Variants in SARDH observed in about 807,000 individuals in gnomAD.
SARDH encodes sarcosine dehydrogenase, mitochondrial.
In SARDH, 95 loss-of-function variants were observed where a neutral mutation model predicts 109.1. That is an observed-to-expected ratio of 0.87 (90% CI 0.74 to 1.03). The LOEUF (loss-of-function observed/expected upper bound fraction) is 1.03. SARDH is among the 50% of genes least tolerant of loss of function. The pLI is 0.00. For missense variants in SARDH, 1,267 were observed against 1,287.8 expected, an observed-to-expected ratio of 0.98 and a Z score of 0.25; for synonymous variants, 572 against 534.8, an observed-to-expected ratio of 1.07 and a Z score of -0.96.
chr9:133,707,137 A>C (rs912019009), intron 11 of SARDH, among the ~76,000 whole-genome samples: 2 of 152,216 alleles, frequency 1.3e-5, no homozygotes, highest in African/African-American at 4.8e-5. Context: ...TGTCGCAAGA[A>C]GGCTGCTAAC....
intron 18 of SARDH, among the ~76,000 whole-genome samples, chr9:133,671,194 C>T (rs556774916): frequency 3.9e-5 from 6 of 152,266 alleles, no homozygotes; most frequent in African/African-American, 1.2e-4. Flanking sequence ...CCATTCTTCA[C>T]AGCTCTCAGA....
At chr9:133,659,867 G>A (rs1164237357), downstream of SARDH, among the ~76,000 whole-genome samples, 2 of 152,110 alleles carry the variant, frequency 1.3e-5, no homozygotes, top group African/African-American at 4.8e-5. Context: ...GCCTCTTCCC[G>A]CGATCACACC....
chr9:133,719,202 G>T (rs1215838262), intron 6 of SARDH, among the ~76,000 whole-genome samples, 160 bp from the exon 7 acceptor site: 1 of 152,130 alleles, frequency 6.6e-6, no homozygotes, highest in Non-Finnish European at 1.5e-5. Context: ...GGGGCCTCAA[G>T]TTACACACAG....
chr9:133,660,200 T>C (rs1157681705), downstream of SARDH, among the ~76,000 whole-genome samples: 2 of 152,080 alleles, frequency 1.3e-5, no homozygotes, highest in African/African-American at 4.8e-5. Flanking sequence ...CCGTGGTTGC[T>C]GAGAGTTGCC....
intron 15 of SARDH, 124 bp downstream of exon 15, chr9:133,694,134 G>A (rs1831198375): frequency 2.9e-6 from 2 of 694,094 alleles, no homozygotes; most frequent in Non-Finnish European, 4.7e-6. Flanking sequence ...GACCACAGCG[G>A]GCACAACAGC....
At chr9:133,727,708 C>A (rs1488722779) in intron 6 of SARDH, among the ~76,000 whole-genome samples, 1 of 137,166 alleles carries the variant, frequency 7.3e-6, no homozygotes, top group African/African-American at 2.5e-5. Context: ...GGCTGATGGC[C>A]CTTTTCCTGT....
At chr9:133,688,560 C>A (rs1266308346) in intron 16 of SARDH, among the ~76,000 whole-genome samples, 2 of 152,068 alleles carry the variant, frequency 1.3e-5, no homozygotes, top group African/African-American at 4.8e-5. Context: ...AAAGCCCAAG[C>A]CCGACCATGT....
chr9:133,702,823 G>A, intron 13 of SARDH, 93 bp downstream of exon 13: 6 of 1,087,916 alleles, frequency 5.5e-6, no homozygotes, highest in Admixed American at 3.9e-5. Flanking sequence ...TGGGGGAGGG[G>A]AGCCCCTGCA....
intron 17 of SARDH, among the ~76,000 whole-genome samples, chr9:133,675,699 G>T (rs532467126): frequency 6.6e-6 from 1 of 152,290 alleles, no homozygotes; most frequent in African/African-American, 2.4e-5. Context: ...ACACCCAAAG[G>T]AATTGAAAGG....
At chr9:133,700,715 GCACACACACACACACGCACGCGCA>G (rs1019782075) in intron 13 of SARDH, among the ~76,000 whole-genome samples, 3 of 139,404 alleles carry the variant, frequency 2.2e-5, no homozygotes, top group African/African-American at 8.1e-5. Flanking sequence ...TGTTTTCAAA[GCACACACACACACACGCACGCGCA>G]CACACACACA....
chr9:133,737,399 C>A (rs1418857078), intron 1 of SARDH, among the ~76,000 whole-genome samples: 1 of 152,168 alleles, frequency 6.6e-6, no homozygotes, highest in Non-Finnish European at 1.5e-5. Context: ...TGGCCCCGGA[C>A]AAGGAGGCAT....
At chr9:133,737,212 G>A (rs1832913293) in intron 1 of SARDH, among the ~76,000 whole-genome samples, 1 of 152,226 alleles carries the variant, frequency 6.6e-6, no homozygotes. Flanking sequence ...ATGTGAGGGG[G>A]ATCCCAGCTC....
chr9:133,662,729 T>TGG (rs1055366301), downstream of SARDH, among the ~76,000 whole-genome samples: 11 of 152,204 alleles, frequency 7.2e-5, no homozygotes, highest in Non-Finnish European at 1.5e-4. This position sits in a 1 kb window ranked among gnomAD's most constrained non-coding sequence, Gnocchi z 5.1. Context: ...GCTGTGTGTG[T>TGG]GGCTCTGTGG....
chr9:133,724,841 A>G (rs1323652794), intron 6 of SARDH, among the ~76,000 whole-genome samples: 1 of 152,202 alleles, frequency 6.6e-6, no homozygotes, highest in African/African-American at 2.4e-5. Context: ...AGTGCTCAAA[A>G]AGTGTTGGAT....
chr9:133,687,477 C>T (rs1016351911), intron 16 of SARDH, among the ~76,000 whole-genome samples: 13 of 152,072 alleles, frequency 8.5e-5, no homozygotes, highest in South Asian at 2.1e-4. Context: ...GATAGGATCT[C>T]GCTATGTTGC....
At chr9:133,687,428 G>C (rs1002737910) in intron 16 of SARDH, among the ~76,000 whole-genome samples, 1 of 152,172 alleles carries the variant, frequency 6.6e-6, no homozygotes, top group African/African-American at 2.4e-5. Flanking sequence ...GCACCACCGT[G>C]CTGAGCTAAT....
chr9:133,694,109 T>C, intron 15 of SARDH, 149 bp downstream of exon 15: 1 of 615,472 alleles, frequency 1.6e-6, no homozygotes, highest in South Asian at 2.2e-5. Context: ...ACGAGACCTC[T>C]AATCTCCCAG....
At chr9:133,731,744 T>A (rs1832690066) in intron 3 of SARDH, among the ~76,000 whole-genome samples, 1 of 152,228 alleles carries the variant, frequency 6.6e-6, no homozygotes, top group South Asian at 2.1e-4. Flanking sequence ...TGGGGCAAAG[T>A]CGCTTCAGGC....
chr9:133,727,395 C>G (rs920859491), intron 6 of SARDH, among the ~76,000 whole-genome samples: 1 of 152,224 alleles, frequency 6.6e-6, no homozygotes, highest in African/African-American at 2.4e-5. Context: ...TCCTGCTGCA[C>G]GAGGCTGCCA....
Sources: allele counts gnomAD v4.1 joint callset (sites outside exome capture counted in the v4.1 genomes callset), GRCh38; gene constraint gnomAD v4.1.1; non-coding constraint Gnocchi (gnomAD v3.1); transcripts MANE v1.5; gene names NCBI Gene and HGNC (gene_info 2026-07-23, HGNC 2026-07-21).